Variants in NUDT3 observed in about 807,000 individuals in gnomAD.
NUDT3 encodes the protein nudix hydrolase 3.
NUDT3 carries 9 observed loss-of-function variants against 23.6 expected under a neutral mutation model. The ratio of observed to expected loss-of-function variants is 0.38; its 90% CI spans 0.23 to 0.66. The LOEUF is 0.66. NUDT3 is among the 30% of genes least tolerant of loss of function. The pLI is 0.52. For synonymous variants in NUDT3, 86 were observed against 82.6 expected (o/e 1.04, Z -0.22); for missense variants, 172 against 218.5 (o/e 0.79, Z 1.34).
At chr6:34,309,303 A>G (rs1763732108) in intron 2 of NUDT3, among the ~76,000 whole-genome samples, 1 of 152,238 alleles carries the variant, frequency 6.6e-6, no homozygotes, top group Admixed American at 6.5e-5. Context: ...ACACTTCTAA[A>G]TAACATATGA....
At chr6:34,292,971 T>G (rs1039405646) in intron 4 of NUDT3, among the ~76,000 whole-genome samples, 2 of 152,250 alleles carry the variant, frequency 1.3e-5, no homozygotes, top group Non-Finnish European at 2.9e-5. Flanking sequence ...ATTTAAACAT[T>G]TCAAAATACT....
At position 34,374,389 on chromosome 6, in the gene NUDT3, CT is replaced by C. The variant is rs543983478; in HGVS notation, c.99+17874del. Reference sequence around the variant, plus strand: ...ATGTAAAGATTCTATAACTTCAGGTCTTCCTCTCTTTCCATAAAAGCTCTTT... The same window carrying C: ...ATGTAAAGATTCTATAACTTCAGGTCTCCTCTCTTTCCATAAAAGCTCTTT... On this transcript the variant is annotated intron_variant, in intron 1 of 4. Coordinates refer to ENST00000607016, the MANE Select transcript of NUDT3 (RefSeq NM_006703.4). Among the ~76,000 whole-genome samples the C allele has an allele frequency of 4.3e-4, 66 of 152,220 alleles. 1 individual carries two copies. The South Asian group carries it at 0.012, about 28-fold the overall frequency.
intron 1 of NUDT3, among the ~76,000 whole-genome samples, chr6:34,370,113 CAG>C (rs1286485289): frequency 6.6e-6 from 1 of 152,162 alleles, no homozygotes; most frequent in Non-Finnish European, 1.5e-5. Flanking sequence ...AAAATCCAAA[CAG>C]ATTATCCATA....
chr6:34,363,804 G>C (rs539266699), intron 1 of NUDT3, among the ~76,000 whole-genome samples: 4 of 148,618 alleles, frequency 2.7e-5, no homozygotes, highest in African/African-American at 9.9e-5. Context: ...AGATAGTCTC[G>C]CTCTGTCACC....
intron 2 of NUDT3, among the ~76,000 whole-genome samples, chr6:34,303,227 T>TTG (rs1400527836): frequency 6.1e-4 from 76 of 123,726 alleles, no homozygotes; most frequent in African/African-American, 1.9e-3. Flanking sequence ...TTTTTTTTTT[T>TTG]GTAGAATTGG....
At chr6:34,341,144 TAAC>T (rs1764282365) in intron 2 of NUDT3, among the ~76,000 whole-genome samples, 2 of 152,206 alleles carry the variant, frequency 1.3e-5, no homozygotes, top group African/African-American at 4.8e-5. Context: ...CTAAATGAGA[TAAC>T]AAGAAAAGCA....
At chr6:34,319,810 A>T (rs1220786970) in intron 2 of NUDT3, among the ~76,000 whole-genome samples, 1 of 152,192 alleles carries the variant, frequency 6.6e-6, no homozygotes, top group Non-Finnish European at 1.5e-5. Flanking sequence ...ACCCATCATC[A>T]TAAAGGCGGG....
At chr6:34,357,667 A>C (rs2113749147) in intron 1 of NUDT3, among the ~76,000 whole-genome samples, 1 of 152,234 alleles carries the variant, frequency 6.6e-6, no homozygotes, top group East Asian at 1.9e-4. Flanking sequence ...ATTCTTAGCC[A>C]TTTATACTTT....
intron 2 of NUDT3, among the ~76,000 whole-genome samples, chr6:34,338,581 G>A (rs1052106425): frequency 2.0e-5 from 3 of 152,156 alleles, no homozygotes; most frequent in South Asian, 2.1e-4. Flanking sequence ...TTTGCTGAAC[G>A]GACAAATAAC....
At chr6:34,342,028 C>A in intron 1 of NUDT3, 56 bp from the exon 2 acceptor site, 2 of 1,512,328 alleles carry the variant, frequency 1.3e-6, no homozygotes, top group Non-Finnish European at 9.1e-7. Context: ...CACATCCACA[C>A]AAATTCAGAG....
At chr6:34,330,791 ACT>A (rs1455856011) in intron 2 of NUDT3, among the ~76,000 whole-genome samples, 3 of 152,116 alleles carry the variant, frequency 2.0e-5, no homozygotes, top group East Asian at 3.8e-4. Context: ...ACAGAGCAAG[ACT>A]CTGTCTCCAA....
intron 1 of NUDT3, among the ~76,000 whole-genome samples, chr6:34,345,415 G>A (rs1473345228): frequency 1.3e-5 from 2 of 151,702 alleles, no homozygotes; most frequent in African/African-American, 4.8e-5. Flanking sequence ...TGTAATCCCA[G>A]CACTTAGGGA....
At chr6:34,310,784 T>C (rs1159273796) in intron 2 of NUDT3, among the ~76,000 whole-genome samples, 2 of 152,104 alleles carry the variant, frequency 1.3e-5, no homozygotes, top group Non-Finnish European at 2.9e-5. Flanking sequence ...AATCCAACAA[T>C]GTGTAAAAAT....
At chr6:34,302,197 T>C (rs1763608480) in intron 2 of NUDT3, among the ~76,000 whole-genome samples, 2 of 147,472 alleles carry the variant, frequency 1.4e-5, no homozygotes, top group South Asian at 4.3e-4. Flanking sequence ...ACAACTGGCT[T>C]TTTTTTTTTT....
At chr6:34,358,258 TAC>T (rs71538235) in intron 1 of NUDT3, among the ~76,000 whole-genome samples, 5,798 of 143,978 alleles carry the variant, frequency 0.04, 116 homozygotes, top group African/African-American at 0.071. Flanking sequence ...ATGAGTAGTT[TAC>T]ACACACACAC....
intron 2 of NUDT3, among the ~76,000 whole-genome samples, chr6:34,309,978 ATCCTAGCACTT>A (rs1390200713): frequency 6.6e-6 from 1 of 152,146 alleles, no homozygotes; most frequent in Non-Finnish European, 1.5e-5. Context: ...CATGCCTGTA[ATCCTAGCACTT>A]TGGGACGCTG....
Position 34,282,566 on chromosome 6 carries a change from G to GTCAT in NUDT3, c.*6186_*6187insATGA, listed in dbSNP as rs1183673424. The GTCAT allele has an allele frequency of 1.3e-5, 2 of 152,176 alleles. No individual in the cohort carries two copies. The highest frequency in any genetic ancestry group is 2.4e-5 in the African/African-American group (1 of 41,428). The allele number at this position is 152,176 out of a possible 1,614,324, so 9.4% of individuals were successfully genotyped here. A position where few individuals can be genotyped will look rare whatever the true frequency, so the allele number is the denominator to read the frequency against. ...CTGTTGAGATGTTCTCTGCAAGGTA[G>GTCAT]TCACAGATAATAAGCAATTTAGTAG... On this transcript the variant is annotated 3_prime_UTR_variant, in exon 5 of 5. Coordinates refer to ENST00000607016, the MANE Select transcript of NUDT3 (RefSeq NM_006703.4).
At chr6:34,336,847 G>A (rs57622072) in intron 2 of NUDT3, among the ~76,000 whole-genome samples, 45,803 of 151,870 alleles carry the variant, frequency 0.3, 8,442 homozygotes, top group East Asian at 0.49. Context: ...ATTATCCACA[G>A]AGCCCCTCAA....
At chr6:34,377,210 C>T (rs1210347010) in intron 1 of NUDT3, among the ~76,000 whole-genome samples, 5 of 152,070 alleles carry the variant, frequency 3.3e-5, no homozygotes, top group African/African-American at 9.7e-5. Context: ...TTCAACTGTA[C>T]TGAAATGCCT....
Sources: allele counts gnomAD v4.1 joint callset (sites outside exome capture counted in the v4.1 genomes callset), GRCh38; gene constraint gnomAD v4.1.1; transcripts MANE v1.5; gene names NCBI Gene and HGNC (gene_info 2026-07-23, HGNC 2026-07-21).